Variants in ST6GALNAC3 observed in about 807,000 individuals in gnomAD.
ST6GALNAC3 encodes the protein ST6 N-acetylgalactosaminide alpha-2,6-sialyltransferase 3.
A neutral mutation model predicts 32.7 loss-of-function variants in ST6GALNAC3; 25 were observed. That is an observed-to-expected ratio of 0.76 (90% CI 0.56 to 1.07). The LOEUF (loss-of-function observed/expected upper bound fraction) is 1.07. ST6GALNAC3 is among the 50% of genes least tolerant of loss of function. The pLI is 0.00. For missense variants in ST6GALNAC3, 355 were observed against 382.4 expected (o/e 0.93, Z 0.60); for synonymous variants, 129 against 133.1 (o/e 0.97, Z 0.21).
chr1:76,256,861 T>C (rs891817948), intron 1 of ST6GALNAC3, among the ~76,000 whole-genome samples: 1 of 152,108 alleles, frequency 6.6e-6, no homozygotes, highest in Non-Finnish European at 1.5e-5. Flanking sequence ...AAAGTTAAAA[T>C]TAGAGTAATC....
intron 1 of ST6GALNAC3, among the ~76,000 whole-genome samples, chr1:76,177,937 G>A (rs895354901): frequency 6.6e-6 from 1 of 152,202 alleles, no homozygotes; most frequent in Admixed American, 6.5e-5. Context: ...TAGTCATCTA[G>A]CAGTGTAACA....
chr1:76,226,710 C>T (rs903740092), intron 1 of ST6GALNAC3, among the ~76,000 whole-genome samples: 2 of 151,992 alleles, frequency 1.3e-5, no homozygotes, highest in African/African-American at 4.8e-5. Context: ...GGGTGGGGTG[C>T]CACACCTTTA....
intron 1 of ST6GALNAC3, among the ~76,000 whole-genome samples, chr1:76,188,527 T>C (rs1310489039): frequency 1.3e-5 from 2 of 152,184 alleles, no homozygotes; most frequent in Admixed American, 6.5e-5. Context: ...TTTTAAGCAC[T>C]TGGGCCTGGT....
intron 1 of ST6GALNAC3, among the ~76,000 whole-genome samples, chr1:76,231,388 G>A (rs114121970): frequency 0.045 from 6,846 of 152,050 alleles, 438 homozygotes; most frequent in African/African-American, 0.14. Flanking sequence ...ATTTTTAAGC[G>A]TACAATTCAG....
At chr1:76,375,465 A>G (rs1401908469) in intron 2 of ST6GALNAC3, among the ~76,000 whole-genome samples, 2 of 152,308 alleles carry the variant, frequency 1.3e-5, no homozygotes, top group East Asian at 3.9e-4. Context: ...AAGCCACCAA[A>G]TAAAGTAAAG....
chr1:76,178,248 T>G (rs948206046), intron 1 of ST6GALNAC3, among the ~76,000 whole-genome samples: 1 of 152,156 alleles, frequency 6.6e-6, no homozygotes, highest in Non-Finnish European at 1.5e-5. Context: ...GGGTAAGCCA[T>G]TTTAGAAAGA....
chr1:76,428,105 G>A (rs569108596), intron 3 of ST6GALNAC3, among the ~76,000 whole-genome samples: 2 of 151,974 alleles, frequency 1.3e-5, no homozygotes, highest in South Asian at 2.1e-4. Context: ...TGCCATAATC[G>A]CTATCCAATC....
intron 2 of ST6GALNAC3, among the ~76,000 whole-genome samples, chr1:76,387,306 C>G (rs1465922770): frequency 1.3e-5 from 2 of 152,108 alleles, no homozygotes; most frequent in African/African-American, 2.4e-5. Context: ...CTGCAAAATT[C>G]CTCAGGGGAC....
chr1:76,114,806 C>G (rs1487454938), intron 1 of ST6GALNAC3, among the ~76,000 whole-genome samples: 1 of 151,434 alleles, frequency 6.6e-6, no homozygotes, highest in Non-Finnish European at 1.5e-5. Flanking sequence ...GTGATCACAG[C>G]TACTTGGGAG....
In ST6GALNAC3 at chr1:76,627,491, C is replaced by G. The variant is rs146974011; in HGVS notation, c.663C>G (p.Thr221=). Residue 221 remains threonine, a synonymous_variant, in exon 4 of 5, where the codon ACC becomes ACG. Coordinates refer to ENST00000328299, the MANE Select transcript of ST6GALNAC3 (RefSeq NM_152996.4). Reference sequence around the variant, plus strand: ...CATATCTCAGCACAGGGTGGTTTACCTTCCTTCTGGCCATGGACGCCTGTT... The same window carrying G: ...CATATCTCAGCACAGGGTGGTTTACGTTCCTTCTGGCCATGGACGCCTGTT... ...SGSYLSTGWF[T]FLLAMDACYG... is the part of the protein sequence containing the mutation. The G allele has an allele frequency of 1.9e-4, 311 of 1,612,674 alleles. 2 individuals are homozygous for G. In the Middle Eastern group the frequency reaches 5.8e-3, roughly 30 times the overall value.
chr1:76,082,898 T>C (rs1646916738), intron 1 of ST6GALNAC3, among the ~76,000 whole-genome samples: 1 of 151,986 alleles, frequency 6.6e-6, no homozygotes, highest in South Asian at 2.1e-4. Flanking sequence ...TAAAGGTGTG[T>C]TTCTCTGTGC....
intron 1 of ST6GALNAC3, among the ~76,000 whole-genome samples, chr1:76,113,906 A>G (rs1571184169): frequency 6.6e-6 from 1 of 150,590 alleles, no homozygotes; most frequent in African/African-American, 2.5e-5. Context: ...GCTCACTGCA[A>G]CCCCACCTCC....
chr1:76,456,571 C>A (rs1158584020), intron 3 of ST6GALNAC3, among the ~76,000 whole-genome samples: 2 of 152,058 alleles, frequency 1.3e-5, no homozygotes, highest in East Asian at 3.9e-4. Context: ...TAAATGTAAT[C>A]CAGCATATAT....
In ST6GALNAC3 at chr1:76,509,076, G is replaced by A. The variant is rs1449718232; in HGVS notation, c.623+96659G>A. Among the ~76,000 whole-genome samples, 2 of 152,138 alleles carry A rather than the reference G, an allele frequency of 1.3e-5. No homozygotes were observed. The highest frequency in any genetic ancestry group is 1.5e-5 in the Non-Finnish European group (1 of 68,028). Reference sequence around the variant, plus strand: ...GTCATTTTTCAACTCGTCGATAAATGGGAATGGAATTATTTATTCTGGAAA... The same window carrying A: ...GTCATTTTTCAACTCGTCGATAAATAGGAATGGAATTATTTATTCTGGAAA... On this transcript the variant is annotated intron_variant, in intron 3 of 4. Transcript: ENST00000328299. The surrounding 1 kb of genome is among the most constrained non-coding windows in gnomAD (Gnocchi z 5.5).
chr1:76,175,522 G>T (rs1570315153), intron 1 of ST6GALNAC3, among the ~76,000 whole-genome samples: 2 of 146,368 alleles, frequency 1.4e-5, no homozygotes, highest in South Asian at 2.1e-4. Flanking sequence ...CTGATGGATA[G>T]TTTTTTTTTT....
chr1:76,180,423 CAG>C (rs1274877790), intron 1 of ST6GALNAC3, among the ~76,000 whole-genome samples: 5 of 152,102 alleles, frequency 3.3e-5, no homozygotes, highest in Non-Finnish European at 4.4e-5. Context: ...CGACGGGAGA[CAG>C]GGAAATACTG....
chr1:76,090,180 G>A (rs574240521), intron 1 of ST6GALNAC3, among the ~76,000 whole-genome samples: 1 of 152,300 alleles, frequency 6.6e-6, no homozygotes, highest in African/African-American at 2.4e-5. Flanking sequence ...GAATCATTTA[G>A]GAAGGAGCCT....
At chr1:76,232,068 G>C (rs1322414697) in intron 1 of ST6GALNAC3, among the ~76,000 whole-genome samples, 2 of 152,200 alleles carry the variant, frequency 1.3e-5, no homozygotes, top group African/African-American at 4.8e-5. Context: ...TGGACAAACA[G>C]AACCAGGCTT....
At chr1:76,390,501 G>A (rs1217330498) in intron 2 of ST6GALNAC3, among the ~76,000 whole-genome samples, 1 of 152,136 alleles carries the variant, frequency 6.6e-6, no homozygotes, top group Non-Finnish European at 1.5e-5. Flanking sequence ...TAAAATCTCT[G>A]CTACTGGTAA....
Sources: gnomAD v4.1 joint callset for allele counts (sites outside exome capture counted in the v4.1 genomes callset) on GRCh38, gnomAD v4.1.1 for gene constraint, Gnocchi (gnomAD v3.1) non-coding constraint, MANE v1.5 for transcripts, NCBI Gene and HGNC (gene_info 2026-07-23, HGNC 2026-07-21) for gene names.